The following NREP variants were observed in gnomAD, a reference collection of about 807,000 sequenced individuals.
The protein encoded by NREP is neuronal regeneration related protein.
NREP carries 5 observed loss-of-function variants against 8.6 expected under a neutral mutation model. The observed-to-expected ratio is 0.58, with a 90% CI of 0.30 to 1.22. The LOEUF (loss-of-function observed/expected upper bound fraction) is 1.22, where lower values mean the gene tolerates loss of function less well. Ranked by LOEUF, NREP falls within the 50% of genes most tolerant of loss-of-function variation. The probability of loss-of-function intolerance (pLI) is 0.07; values close to 1 mark genes in which losing one functional copy is unlikely to be tolerated. For missense variants in NREP, 86 were observed against 82.5 expected (o/e 1.04, Z -0.17); for synonymous variants, 27 against 28.0 (o/e 0.96, Z 0.11).
chr5:111,761,064 C>T (rs35550718), upstream of NREP, among the ~76,000 whole-genome samples: 457 of 152,260 alleles, frequency 3.0e-3, 1 homozygote, highest in Non-Finnish European at 5.8e-3. Flanking sequence ...CTCTATGTGG[C>T]CTTGGATAAG....
At chr5:111,763,559 GA>G (rs2112865442) in intron 2 of NREP, among the ~76,000 whole-genome samples, 1 of 152,304 alleles carries the variant, frequency 6.6e-6, no homozygotes, top group Non-Finnish European at 1.5e-5. Context: ...TAAACGAAAG[GA>G]ATGTCTCAAA....
chr5:111,804,928 G>A (rs923466918), intron 2 of NREP, among the ~76,000 whole-genome samples: 1 of 152,222 alleles, frequency 6.6e-6, no homozygotes, highest in Non-Finnish European at 1.5e-5. Flanking sequence ...GTGAACCCGG[G>A]AGGCAGAGCT....
rs1223753226 is a variant in NREP at position 111,798,753 on chromosome 5, GTGTGTGTGTGTGTGTGTGTGTGTA to G, written c.136-63270_136-63247del. On this transcript the variant is annotated intron_variant, in intron 2 of 3. Coordinates refer to the NREP transcript ENST00000395634. The stretch of plus-strand genomic sequence containing the variant: ...TTCCATGGTGTGTGTGTGTGTGTGT[GTGTGTGTGTGTGTGTGTGTGTGTA>G]TGTGTGTGTGTATACATATATATCA... Among the ~76,000 whole-genome samples the G allele has an allele frequency of 4.3e-3, 358 of 84,078 alleles. 2 individuals are homozygous for G. Among genetic ancestry groups the G allele is most frequent in the African/African-American group, 8.4e-3 (173 of 20,682 alleles). 55.2% of individuals were successfully genotyped at this position (84,078 alleles called of 152,430 possible).
intron 2 of NREP, among the ~76,000 whole-genome samples, chr5:111,842,380 C>G (rs1036350589): frequency 1.3e-5 from 2 of 152,128 alleles, no homozygotes; most frequent in African/African-American, 4.8e-5. Context: ...GCACCAAGTT[C>G]TGTGTGCTTA....
chr5:111,944,114 G>T (rs1213568799), intron 2 of NREP, among the ~76,000 whole-genome samples: 2 of 151,484 alleles, frequency 1.3e-5, no homozygotes, highest in African/African-American at 2.4e-5. Context: ...ATTTCCAAAA[G>T]TCTTCTTAGT....
intron 2 of NREP, among the ~76,000 whole-genome samples, chr5:111,922,164 G>A (rs1437155006): frequency 6.6e-6 from 1 of 152,168 alleles, no homozygotes; most frequent in African/African-American, 2.4e-5. Context: ...GGGAAGGAGA[G>A]TAGTCCAGGG....
upstream of NREP, chr5:111,757,623 A>T: frequency 1.0e-6 from 1 of 982,780 alleles, no homozygotes; most frequent in Non-Finnish European, 1.2e-6. Flanking sequence ...GCGCGCCCCG[A>T]CACCCCGCAC....
intron 2 of NREP, among the ~76,000 whole-genome samples, chr5:111,763,750 CTGTATG>C (rs968985858): frequency 3.7e-5 from 4 of 107,208 alleles, no homozygotes; most frequent in South Asian, 2.5e-4. Flanking sequence ...CCCAGTACGT[CTGTATG>C]TGTGTGTGTG....
intron 2 of NREP, among the ~76,000 whole-genome samples, chr5:111,869,283 C>T (rs1753734644): frequency 6.6e-6 from 1 of 152,150 alleles, no homozygotes; most frequent in Non-Finnish European, 1.5e-5. Flanking sequence ...GATTCATCTG[C>T]TCAGTGGGAG....
intron 2 of NREP, among the ~76,000 whole-genome samples, chr5:111,907,446 C>T (rs1754806149): frequency 6.6e-6 from 1 of 151,998 alleles, no homozygotes; most frequent in Non-Finnish European, 1.5e-5. Flanking sequence ...ACTATCCTTT[C>T]TCCATTGAAT....
chr5:111,844,040 G>T (rs1581159904), intron 2 of NREP, among the ~76,000 whole-genome samples: 1 of 152,062 alleles, frequency 6.6e-6, no homozygotes, highest in East Asian at 1.9e-4. Flanking sequence ...GACAAGTATA[G>T]GTATAATAGA....
chr5:111,810,455 G>T (rs994490235), intron 2 of NREP, among the ~76,000 whole-genome samples: 31 of 152,152 alleles, frequency 2.0e-4, no homozygotes, highest in African/African-American at 7.0e-4. Flanking sequence ...GTATGGCCCA[G>T]ATTGGAACCG....
chr5:111,947,749 T>C (rs1756031807), intron 2 of NREP, among the ~76,000 whole-genome samples: 2 of 152,080 alleles, frequency 1.3e-5, no homozygotes, highest in Non-Finnish European at 1.5e-5. Context: ...GGCACATGAA[T>C]GCAGTGATTT....
intron 3 of NREP, chr5:111,731,837 C>T (rs1748615605): frequency 6.6e-6 from 1 of 152,392 alleles, no homozygotes; most frequent in Non-Finnish European, 1.5e-5. Flanking sequence ...CCCGGACACA[C>T]TGCTGCAGCG....
chr5:111,778,634 T>A (rs1296303575), intron 2 of NREP, among the ~76,000 whole-genome samples: 1 of 152,068 alleles, frequency 6.6e-6, no homozygotes, highest in Non-Finnish European at 1.5e-5. Context: ...TTCACTCCAT[T>A]TCTTGGAATG....
chr5:111,967,519 C>G (rs1053658504), intron 2 of NREP, among the ~76,000 whole-genome samples: 1 of 152,190 alleles, frequency 6.6e-6, no homozygotes, highest in Non-Finnish European at 1.5e-5. Flanking sequence ...GCTAGTCCAT[C>G]AAGATTGATT....
At chr5:111,761,277 C>A (rs1158306005), upstream of NREP, among the ~76,000 whole-genome samples, 1 of 152,274 alleles carries the variant, frequency 6.6e-6, no homozygotes, top group South Asian at 2.1e-4. Flanking sequence ...CTCCTTCTGG[C>A]CTCATGTCTT....
intron 2 of NREP, among the ~76,000 whole-genome samples, chr5:111,848,650 A>AC (rs1385744170): frequency 4.7e-5 from 7 of 150,428 alleles, no homozygotes; most frequent in South Asian, 4.3e-4. Flanking sequence ...ATTCCCCCCA[A>AC]CCCCCCCATC....
chr5:111,936,287 G>A (rs1364158780), intron 2 of NREP, among the ~76,000 whole-genome samples: 1 of 152,036 alleles, frequency 6.6e-6, no homozygotes, highest in Non-Finnish European at 1.5e-5. Flanking sequence ...TCTCATGATA[G>A]TGAGTTCTCA....
Sources: allele counts gnomAD v4.1 joint callset (sites outside exome capture counted in the v4.1 genomes callset), GRCh38; gene constraint gnomAD v4.1.1; transcripts MANE v1.5; gene names NCBI Gene and HGNC (gene_info 2026-07-23, HGNC 2026-07-21).